Variants in NKAIN2 observed in about 807,000 individuals in gnomAD.
The protein encoded by NKAIN2 is sodium/potassium-transporting ATPase subunit beta-1-interacting protein 2.
Under a neutral mutation model 32.6 loss-of-function variants are expected in NKAIN2, and 14 were observed. That is an observed-to-expected ratio of 0.43 (90% CI 0.28 to 0.67). The LOEUF is 0.67. Among genes scored for constraint, NKAIN2 ranks in the 30% least tolerant of loss-of-function variants. The probability of loss-of-function intolerance (pLI) is 0.17; values close to 1 mark genes in which losing one functional copy is unlikely to be tolerated. For synonymous variants in NKAIN2, 80 were observed against 87.2 expected (o/e 0.92, Z 0.46); for missense variants, 198 against 258.3 (o/e 0.77, Z 1.60).
chr6:123,813,442 T>C (rs929487005), intron 1 of NKAIN2, among the ~76,000 whole-genome samples: 1 of 152,208 alleles, frequency 6.6e-6, no homozygotes, highest in East Asian at 1.9e-4. Flanking sequence ...GGGGATGATA[T>C]TAGGGTTTGT....
chr6:124,526,782 T>A (rs1241156963), intron 3 of NKAIN2, among the ~76,000 whole-genome samples: 1 of 152,146 alleles, frequency 6.6e-6, no homozygotes, highest in Non-Finnish European at 1.5e-5. Context: ...CAAAGAAATG[T>A]CGAAGCTAGT....
chr6:123,826,776 A>G (rs1774164381), intron 1 of NKAIN2, among the ~76,000 whole-genome samples: 2 of 152,122 alleles, frequency 1.3e-5, no homozygotes, highest in South Asian at 4.2e-4. Flanking sequence ...CTATCCTTTG[A>G]AAATTGTAAA....
chr6:124,425,312 A>G (rs923962838), intron 3 of NKAIN2, among the ~76,000 whole-genome samples: 7 of 152,170 alleles, frequency 4.6e-5, no homozygotes, highest in Non-Finnish European at 8.8e-5. Flanking sequence ...ATACACAATA[A>G]TCAATTCGAA....
chr6:124,080,860 A>G (rs1200826926), intron 1 of NKAIN2, among the ~76,000 whole-genome samples: 1 of 152,292 alleles, frequency 6.6e-6, no homozygotes, highest in East Asian at 1.9e-4. Flanking sequence ...CTAACACTTT[A>G]TCTAATACCA....
intron 1 of NKAIN2, among the ~76,000 whole-genome samples, chr6:123,993,259 A>G (rs1011862806): frequency 6.6e-6 from 1 of 152,132 alleles, no homozygotes; most frequent in African/African-American, 2.4e-5. Flanking sequence ...AATTCATTTC[A>G]TTATAATTAG....
At chr6:123,838,848 G>A (rs1156663962) in intron 1 of NKAIN2, among the ~76,000 whole-genome samples, 3 of 152,130 alleles carry the variant, frequency 2.0e-5, no homozygotes, top group Non-Finnish European at 4.4e-5. Context: ...GCTAGAAAAA[G>A]GCAATTTACC....
At chr6:124,677,452 T>A (rs143748767) in intron 4 of NKAIN2, among the ~76,000 whole-genome samples, 1 of 152,346 alleles carries the variant, frequency 6.6e-6, no homozygotes, top group Non-Finnish European at 1.5e-5. Context: ...TTATGTTTCA[T>A]TGACTTTTTT....
intron 3 of NKAIN2, among the ~76,000 whole-genome samples, chr6:124,640,742 T>C (rs1353516695): frequency 5.3e-5 from 8 of 152,316 alleles, no homozygotes; most frequent in African/African-American, 1.9e-4. Flanking sequence ...ACTTTAGAGG[T>C]GGAAAATAAA....
intron 1 of NKAIN2, among the ~76,000 whole-genome samples, chr6:123,848,801 C>T (rs1775197445): frequency 6.6e-6 from 1 of 152,122 alleles, no homozygotes; most frequent in Admixed American, 6.6e-5. Context: ...GGTGATATCT[C>T]TTTAATATAT....
chr6:123,865,175 A>C (rs1171878974), intron 1 of NKAIN2, among the ~76,000 whole-genome samples: 1 of 152,112 alleles, frequency 6.6e-6, no homozygotes, highest in Non-Finnish European at 1.5e-5. Flanking sequence ...CTACTGACAA[A>C]TTAATATATA....
At chr6:123,832,545 G>A (rs535061220) in intron 1 of NKAIN2, among the ~76,000 whole-genome samples, 227 of 152,264 alleles carry the variant, frequency 1.5e-3, no homozygotes, top group African/African-American at 5.2e-3. Flanking sequence ...GTAAGAAACC[G>A]CTAAACTGTC....
At chr6:124,269,453 CTTTT>C (rs869242095) in intron 1 of NKAIN2, among the ~76,000 whole-genome samples, 2 of 109,150 alleles carry the variant, frequency 1.8e-5, no homozygotes, top group Non-Finnish European at 3.6e-5. Flanking sequence ...TTCTTTCTTT[CTTTT>C]TTTTTTCTTT....
At chr6:124,284,555 A>G (rs1795455481) in intron 2 of NKAIN2, among the ~76,000 whole-genome samples, 2 of 151,994 alleles carry the variant, frequency 1.3e-5, no homozygotes, top group Admixed American at 6.6e-5. Context: ...TATTCTTATA[A>G]ATAATGGTTG....
intron 3 of NKAIN2, among the ~76,000 whole-genome samples, chr6:124,630,085 G>A (rs1285146179): frequency 6.6e-6 from 1 of 152,112 alleles, no homozygotes; most frequent in East Asian, 1.9e-4. Flanking sequence ...AAGTGTCTGG[G>A]GTGTTGAGTA....
At chr6:123,855,191 T>G (rs1449428598) in intron 1 of NKAIN2, among the ~76,000 whole-genome samples, 4 of 152,238 alleles carry the variant, frequency 2.6e-5, no homozygotes, top group African/African-American at 4.8e-5. Flanking sequence ...TTTATCGCAT[T>G]TATGAATTTT....
Position 123,861,542 on chromosome 6 carries a change from A to G in NKAIN2, c.54+57288A>G, listed in dbSNP as rs149777988. ...ATTTTTGTCGTTTCTTTATAGAAAC[A>G]GTAACCTGAAAGTCATACTAAATTT... On this transcript the variant is annotated intron_variant, in intron 1 of 6. Coordinates refer to ENST00000368417, the MANE Select transcript of NKAIN2 (RefSeq NM_001040214.3). 6.2e-3 allele frequency among the ~76,000 whole-genome samples: 943 copies of G among 152,342 alleles called. 12 individuals are homozygous for G. Among genetic ancestry groups the G allele is most frequent in the African/African-American group, 0.021 (891 of 41,582 alleles).
chr6:123,968,644 C>T (rs1778200901), intron 1 of NKAIN2, among the ~76,000 whole-genome samples: 1 of 152,164 alleles, frequency 6.6e-6, no homozygotes, highest in Non-Finnish European at 1.5e-5. Flanking sequence ...GCATCTTCTG[C>T]TACTCTATGG....
intron 1 of NKAIN2, among the ~76,000 whole-genome samples, chr6:123,896,658 T>C (rs1019554498): frequency 2.3e-4 from 35 of 152,146 alleles, no homozygotes; most frequent in Admixed American, 5.2e-4. Flanking sequence ...GGCTTTAATG[T>C]GTTTTTGTTT....
chr6:124,737,030 A>G (rs990865374), intron 4 of NKAIN2, among the ~76,000 whole-genome samples: 1 of 151,966 alleles, frequency 6.6e-6, no homozygotes, highest in Non-Finnish European at 1.5e-5. Context: ...TTCTAGTGCC[A>G]TTAAGAACAT....
Sources: gnomAD v4.1 joint callset for allele counts (sites outside exome capture counted in the v4.1 genomes callset) on GRCh38, gnomAD v4.1.1 for gene constraint, MANE v1.5 for transcripts, NCBI Gene and HGNC (gene_info 2026-07-23, HGNC 2026-07-21) for gene names.